The following ESR1 variants were observed in gnomAD, a reference collection of about 807,000 sequenced individuals.
ESR1 encodes estrogen receptor.
A neutral mutation model predicts 52.7 loss-of-function variants in ESR1; 12 were observed. The ratio of observed to expected loss-of-function variants is 0.23; its 90% confidence interval spans 0.15 to 0.37. ESR1 has a LOEUF of 0.37. Among genes scored for constraint, ESR1 ranks in the 10% least tolerant of loss-of-function variants. The pLI is 1.00. For synonymous variants in ESR1, 305 were observed against 316.8 expected (o/e 0.96, Z 0.39); for missense variants, 584 against 779.7 (o/e 0.75, Z 2.99).
chr6:151,939,458 T>A (rs2034780499), intron 3 of ESR1, among the ~76,000 whole-genome samples: 1 of 152,208 alleles, frequency 6.6e-6, no homozygotes, highest in Admixed American at 6.5e-5. Flanking sequence ...ATTTCAATTA[T>A]CCATGCCACT....
At chr6:152,119,093 A>C (rs1252145507) in intron 6 of ESR1, among the ~76,000 whole-genome samples, 1 of 152,180 alleles carries the variant, frequency 6.6e-6, no homozygotes, top group Non-Finnish European at 1.5e-5. Context: ...GCTTTTCTGG[A>C]CACGATTAGC....
At chr6:151,676,352 T>G (rs1211498738) in intron 1 of ESR1, among the ~76,000 whole-genome samples, 6 of 152,226 alleles carry the variant, frequency 3.9e-5, no homozygotes, top group Admixed American at 3.9e-4. Flanking sequence ...TGAAAGTTCC[T>G]GTTTTATGAA....
rs1359061616 is a variant in ESR1 at position 152,100,582 on chromosome 6, ATGTT to A, written c.*1619_*1622del. The A allele has an allele frequency of 2.2e-5, 5 of 232,336 alleles. No homozygotes were observed. The East Asian group carries it at 3.0e-4, about 14-fold the overall frequency. The allele number at this position is 232,336 out of a possible 1,614,324, so 14.4% of individuals were successfully genotyped here. ...ACTTCCTTTTTCTTAACAAAAAAGA[ATGTT>A]TGATTTCCTCTGGGTGACCTTATTG... On this transcript the variant is annotated 3_prime_UTR_variant, in exon 8 of 8. Transcript: ENST00000206249.
chr6:152,122,473 G>C, intron 6 of ESR1: 1 of 1,614,162 alleles, frequency 6.2e-7, no homozygotes, highest in Non-Finnish European at 8.5e-7. Flanking sequence ...TCTGAGCATG[G>C]GGTGGAATGA....
chr6:152,004,113 A>G (rs2042159972), intron 4 of ESR1, among the ~76,000 whole-genome samples: 1 of 152,002 alleles, frequency 6.6e-6, no homozygotes, highest in African/African-American at 2.4e-5. Flanking sequence ...TATGTCCTAT[A>G]TGTTGATGTG....
chr6:152,006,490 A>C lies in ESR1; in HGVS notation c.1097-5166A>C, dbSNP rs1221487346. Among the ~76,000 whole-genome samples the C allele has an allele frequency of 2.0e-5, 3 of 152,028 alleles. No homozygotes were observed. In the East Asian group the frequency reaches 5.8e-4, roughly 29 times the overall value. On this transcript the variant is annotated intron_variant, in intron 4 of 7. Transcript: ENST00000206249. ...CTATTTTTTGGAGAATAAATCGCAA[A>C]ATATGGGACGTGAAGACTGCTTGGT... is the stretch of plus-strand genomic sequence containing the variant.
In ESR1 at chr6:151,876,709, C is replaced by G. The variant is rs144116992; in HGVS notation, c.644-3946C>G. Among the ~76,000 whole-genome samples the G allele has an allele frequency of 5.6e-3, 857 of 152,292 alleles. 3 individuals are homozygous for G. Among genetic ancestry groups the G allele is most frequent in the African/African-American group, 0.02 (839 of 41,568 alleles). On this transcript the variant is annotated intron_variant, in intron 2 of 7. Transcript: ENST00000206249. ...ATTCCTACTGAGAGGCGTTTTCTCTCCCCGCTTCCTGTCTTTCTGGTTCCA... is the reference window on the plus strand; with the variant it reads ...ATTCCTACTGAGAGGCGTTTTCTCTGCCCGCTTCCTGTCTTTCTGGTTCCA...
intron 5 of ESR1, among the ~76,000 whole-genome samples, chr6:152,039,866 T>A (rs2045637307): frequency 1.3e-5 from 2 of 152,270 alleles, no homozygotes; most frequent in Admixed American, 6.5e-5. Flanking sequence ...GTGAATTCCA[T>A]GAGCATGAGC....
At chr6:151,686,550 TGGC>T (rs1213065081), upstream of ESR1, among the ~76,000 whole-genome samples, 2 of 152,048 alleles carry the variant, frequency 1.3e-5, no homozygotes, top group Non-Finnish European at 2.9e-5. Context: ...TAGCCGGGCG[TGGC>T]GGCGGGCACC....
At chr6:151,731,312 C>A (rs1331192513) in intron 2 of ESR1, among the ~76,000 whole-genome samples, 1 of 151,484 alleles carries the variant, frequency 6.6e-6, no homozygotes, top group East Asian at 1.9e-4. Flanking sequence ...GCTGAGATCG[C>A]GCCACTGTAC....
At chr6:152,051,898 C>CT (rs1345202114) in intron 5 of ESR1, among the ~76,000 whole-genome samples, 1 of 152,132 alleles carries the variant, frequency 6.6e-6, no homozygotes, top group African/African-American at 2.4e-5. Flanking sequence ...ACATTGCTGT[C>CT]CTGGTCATTA....
intron 1 of ESR1, among the ~76,000 whole-genome samples, chr6:151,834,986 G>A (rs868607518): frequency 3.9e-5 from 6 of 152,038 alleles, no homozygotes; most frequent in Non-Finnish European, 5.9e-5. Context: ...AGTTAGGGGA[G>A]TGAAAAGATC....
At chr6:151,677,345 G>A (rs1424252054) in intron 1 of ESR1, among the ~76,000 whole-genome samples, 2 of 152,186 alleles carry the variant, frequency 1.3e-5, no homozygotes, top group East Asian at 1.9e-4. Context: ...TCTGTAAAAT[G>A]GGAATTAATG....
upstream of ESR1, among the ~76,000 whole-genome samples, chr6:151,689,707 G>A (rs1448730094): frequency 2.0e-5 from 3 of 152,194 alleles, no homozygotes; most frequent in East Asian, 5.8e-4. Flanking sequence ...TCCTGCCTCC[G>A]CCCCATTCTA....
intron 2 of ESR1, among the ~76,000 whole-genome samples, chr6:151,786,976 A>G (rs1583283851): frequency 6.6e-6 from 1 of 152,028 alleles, no homozygotes; most frequent in Non-Finnish European, 1.5e-5. Flanking sequence ...CACCTGGCTA[A>G]TTTTTGTATT....
At chr6:152,013,711 C>G (rs1385062126) in intron 5 of ESR1, among the ~76,000 whole-genome samples, 1 of 152,118 alleles carries the variant, frequency 6.6e-6, no homozygotes, top group Non-Finnish European at 1.5e-5. Context: ...TCTGTACACT[C>G]CAGTGGTGGC....
chr6:152,087,424 G>A (rs369095102), intron 6 of ESR1, among the ~76,000 whole-genome samples: 3 of 152,156 alleles, frequency 2.0e-5, no homozygotes, highest in African/African-American at 7.2e-5. Flanking sequence ...CATTACAGTA[G>A]GACACCTACT....
Position 151,827,736 on chromosome 6 carries a change from G to A in ESR1, c.453-14861G>A, listed in dbSNP as rs1024524075. Among the ~76,000 whole-genome samples, 15 of 152,138 alleles carry A rather than the reference G, an allele frequency of 9.9e-5. No homozygotes were observed. The East Asian group carries it at 2.1e-3, about 21-fold the overall frequency. On this transcript the variant is annotated intron_variant, in intron 1 of 7. Transcript: ENST00000206249. ...TGTATTGATTCGCACTTTGAAGGTC[G>A]AGCTGATGAAATTTCCTGAGGGGTT...
chr6:151,778,870 T>C (rs1055088858), intron 2 of ESR1, among the ~76,000 whole-genome samples: 1 of 152,214 alleles, frequency 6.6e-6, no homozygotes, highest in Non-Finnish European at 1.5e-5. Flanking sequence ...CAAGTTCTCC[T>C]GGGTAAGCAC....
Sources: allele counts gnomAD v4.1 joint callset (sites outside exome capture counted in the v4.1 genomes callset), GRCh38; gene constraint gnomAD v4.1.1; transcripts MANE v1.5; gene names NCBI Gene and HGNC (gene_info 2026-07-23, HGNC 2026-07-21).